EPB41L4A: variants seen among roughly 807,000 people sequenced by gnomAD.
The protein encoded by EPB41L4A is erythrocyte membrane protein band 4.1 like 4A.
Under a neutral mutation model 108.6 loss-of-function variants are expected in EPB41L4A, and 100 were observed. The observed-to-expected ratio is 0.92, with a 90% CI of 0.78 to 1.09. The LOEUF is 1.09. EPB41L4A is among the 50% of genes least tolerant of loss of function. EPB41L4A has a pLI of 0.00. For synonymous variants in EPB41L4A, 319 were observed against 289.0 expected (o/e 1.10, Z -1.05); for missense variants, 1,030 against 842.7 (o/e 1.22, Z -2.75).
chr5:112,145,798 C>T (rs1759229405), intron 13 of EPB41L4A: 2 of 332,786 alleles, frequency 6.0e-6, no homozygotes, highest in African/African-American at 2.2e-5. Flanking sequence ...AGGCCAAGAA[C>T]AACCCTAGAC....
rs567750216 is a variant in EPB41L4A, at chr5:112,298,876, G to T, written c.204+8510C>A. Among the ~76,000 whole-genome samples, 3 of 152,160 alleles carry T rather than the reference G, an allele frequency of 2.0e-5. No individual in the cohort carries two copies. The South Asian group carries it at 6.2e-4, about 32-fold the overall frequency. On this transcript the variant is annotated intron_variant, in intron 2 of 22. Transcript: ENST00000261486. ...TAATTCTTTCTGATTTAAGCTAGGA[G>T]GGTTGTCTCTTTCCAGGAATTTATC...
intron 18 of EPB41L4A, among the ~76,000 whole-genome samples, chr5:112,180,789 A>G (rs1761107153): frequency 6.6e-6 from 1 of 152,222 alleles, no homozygotes; most frequent in South Asian, 2.1e-4. Context: ...GGGAGAAAGT[A>G]TTCATTCATA....
chr5:112,298,345 T>A (rs1033976019), intron 2 of EPB41L4A, among the ~76,000 whole-genome samples: 1 of 152,192 alleles, frequency 6.6e-6, no homozygotes, highest in African/African-American at 2.4e-5. Context: ...TTTTATTACA[T>A]TGAGGTATGT....
Position 112,416,783 on chromosome 5 carries a change from T to C in EPB41L4A, c.99+2158A>G, listed in dbSNP as rs182163953. ...AAAAAGTTTTTTAAAATGTCAAGTA[T>C]GTACAGAACATAAACATGTTCATCC... On this transcript the variant is annotated intron_variant, in intron 1 of 22. Transcript: ENST00000261486. Among the ~76,000 whole-genome samples the C allele has an allele frequency of 5.0e-4, 76 of 152,340 alleles. No homozygotes were observed. In the East Asian group the frequency reaches 0.012, roughly 24 times the overall value.
intron 4 of EPB41L4A, among the ~76,000 whole-genome samples, chr5:112,267,755 A>G (rs117609125): frequency 1.3e-5 from 2 of 152,124 alleles, no homozygotes; most frequent in African/African-American, 4.8e-5. Context: ...CTTAAGATGT[A>G]AACAGGATCA....
rs1330479789 is a variant in EPB41L4A at position 112,208,311 on chromosome 5, G to T, written c.1178+1581C>A. On this transcript the variant is annotated intron_variant, in intron 13 of 22. Transcript: ENST00000261486. ...TTGCAGCACTATTCACAATAGCAAG[G>T]ACATAGAATCAGCCTAGATGACCAT... 3.4e-5 allele frequency among the ~76,000 whole-genome samples: 5 copies of T among 149,222 alleles called. 1 individual carries two copies. The highest frequency in any genetic ancestry group is 5.9e-5 in the Non-Finnish European group (4 of 67,586).
chr5:112,386,604 G>A (rs1368900458), intron 1 of EPB41L4A, among the ~76,000 whole-genome samples: 10 of 152,238 alleles, frequency 6.6e-5, no homozygotes, highest in South Asian at 2.1e-4. Context: ...GTAAGATATT[G>A]GAATGAGCAC....
At chr5:112,161,711 T>C (rs1375923043), downstream of EPB41L4A, 3 of 480,988 alleles carry the variant, frequency 6.2e-6, no homozygotes, top group Admixed American at 4.1e-5. Flanking sequence ...AGGTGGAAGA[T>C]GGATGCCTGA....
chr5:112,390,561 A>T (rs1760869580), intron 1 of EPB41L4A, among the ~76,000 whole-genome samples: 1 of 152,154 alleles, frequency 6.6e-6, no homozygotes, highest in Admixed American at 6.5e-5. Flanking sequence ...AACTGGGTGG[A>T]GCTCACTGCA....
At chr5:112,344,646 C>T (rs1757522923) in intron 1 of EPB41L4A, among the ~76,000 whole-genome samples, 1 of 152,172 alleles carries the variant, frequency 6.6e-6, no homozygotes, top group Non-Finnish European at 1.5e-5. Context: ...CATTACAAGG[C>T]CTGAAGGGCA....
At position 112,275,212 on chromosome 5, in the gene EPB41L4A, C is replaced by A. The variant is rs1580587268; in HGVS notation, c.335+114G>T. 3.8e-6 allele frequency: 5 copies of A among 1,309,710 alleles called. No homozygotes were observed. The East Asian group carries it at 8.4e-5, about 22-fold the overall frequency. 81.1% of individuals were successfully genotyped at this position (1,309,710 alleles called of 1,614,324 possible). A position where few individuals can be genotyped will look rare whatever the true frequency, so the allele number is the denominator to read the frequency against. On this transcript the variant is annotated intron_variant, in intron 4 of 22. Transcript: ENST00000261486. ...TTTTACCCTCTAAGGAGATGCGTTACAAAATGCAGGTAGACACACATCCAA... is the reference window on the plus strand; with the variant it reads ...TTTTACCCTCTAAGGAGATGCGTTAAAAAATGCAGGTAGACACACATCCAA...
intron 12 of EPB41L4A, among the ~76,000 whole-genome samples, chr5:112,212,361 C>T (rs1349018734): frequency 6.6e-6 from 1 of 150,814 alleles, no homozygotes; most frequent in African/African-American, 2.4e-5. Context: ...GACATGATCT[C>T]AGCTCACTGC....
At chr5:112,166,140 T>G (rs977064186) in intron 22 of EPB41L4A, among the ~76,000 whole-genome samples, 1 of 152,254 alleles carries the variant, frequency 6.6e-6, no homozygotes, top group African/African-American at 2.4e-5. Flanking sequence ...CTTAAGAAAT[T>G]AAGTTGCTAT....
intron 10 of EPB41L4A, 96 bp downstream of exon 10, chr5:112,240,622 CA>C (rs1749707265): frequency 9.1e-6 from 6 of 658,074 alleles, no homozygotes; most frequent in African/African-American, 1.9e-5. Context: ...AAAAGGGAAA[CA>C]ATTCCAAATT....
In EPB41L4A at chr5:112,377,215, G is replaced by GAAA. The variant is rs576720562; in HGVS notation, c.99+41723_99+41725dup. 4.5e-3 allele frequency among the ~76,000 whole-genome samples: 457 copies of GAAA among 101,708 alleles called. 4 individuals carry two copies. Among genetic ancestry groups the GAAA allele is most frequent in the African/African-American group, 0.015 (436 of 29,926 alleles). 66.7% of individuals were successfully genotyped at this position (101,708 alleles called of 152,430 possible). On this transcript the variant is annotated intron_variant, in intron 1 of 22. Transcript: ENST00000261486. ...GCAAGATACTGTTGTCTGTTTGTTT[G>GAAA]AAAAAAAAAAAAAAAAGACAATATG...
At chr5:112,339,729 T>C (rs981381194) in intron 1 of EPB41L4A, among the ~76,000 whole-genome samples, 1 of 151,420 alleles carries the variant, frequency 6.6e-6, no homozygotes, top group Non-Finnish European at 1.5e-5. Context: ...AGAGAGGCGG[T>C]TTCACCATGT....
At chr5:112,301,057 C>G (rs1561551963) in intron 2 of EPB41L4A, among the ~76,000 whole-genome samples, 2 of 152,004 alleles carry the variant, frequency 1.3e-5, no homozygotes, top group Non-Finnish European at 2.9e-5. Flanking sequence ...TTCCTTGTAT[C>G]ATTTTTTTTG....
At chr5:112,408,726 T>G (rs1379723544) in intron 1 of EPB41L4A, among the ~76,000 whole-genome samples, 2 of 87,890 alleles carry the variant, frequency 2.3e-5, no homozygotes, top group African/African-American at 1.0e-4. Context: ...AAAGGGCCAG[T>G]AAGCACAAGA....
chr5:112,285,355 G>A (rs971702282), intron 2 of EPB41L4A, among the ~76,000 whole-genome samples: 1 of 152,122 alleles, frequency 6.6e-6, no homozygotes, highest in Non-Finnish European at 1.5e-5. Flanking sequence ...GATATAACAG[G>A]TCACTCCTGG....
Sources: gnomAD v4.1 joint callset for allele counts (sites outside exome capture counted in the v4.1 genomes callset) on GRCh38, gnomAD v4.1.1 for gene constraint, MANE v1.5 for transcripts, NCBI Gene and HGNC (gene_info 2026-07-23, HGNC 2026-07-21) for gene names.